The following AGO3 variants were observed in gnomAD, a reference collection of about 807,000 sequenced individuals.
The protein encoded by AGO3 is protein argonaute-3.
In AGO3, 16 loss-of-function variants were observed where a neutral mutation model predicts 105.5. That is an observed-to-expected ratio of 0.15 (90% confidence interval 0.10 to 0.23). AGO3 has a LOEUF of 0.23. Ranked by LOEUF, AGO3 falls within the 10% of genes least tolerant of loss-of-function variation. The pLI is 1.00. For missense variants in AGO3, 534 were observed against 1,088.0 expected, an observed-to-expected ratio of 0.49 and a Z score of 7.16; for synonymous variants, 340 against 367.3, an observed-to-expected ratio of 0.93 and a Z score of 0.85.
chr1:35,979,982 T>C (rs1373921701), intron 5 of AGO3, among the ~76,000 whole-genome samples: 3 of 152,222 alleles, frequency 2.0e-5, no homozygotes, highest in Non-Finnish European at 4.4e-5. Flanking sequence ...AAAATTATTT[T>C]ATGCCATTTT....
chr1:36,002,853 G>A (rs912506208), intron 5 of AGO3, among the ~76,000 whole-genome samples: 2 of 152,136 alleles, frequency 1.3e-5, no homozygotes, highest in Non-Finnish European at 2.9e-5. Flanking sequence ...CAAAGTGCTG[G>A]GATTACAGGC....
Position 36,056,333 on chromosome 1 carries a change from T to A in AGO3, c.*588T>A, listed in dbSNP as rs2148866452. On this transcript the variant is annotated 3_prime_UTR_variant, in exon 19 of 19. Transcript: ENST00000373191. ...TTGGGGAATTTTCTTTCCCTTTTAT[T>A]CTACCCCCACTACCGCCTTTATTTC... is the stretch of plus-strand genomic sequence containing the variant. The A allele has an allele frequency of 6.6e-6, 1 of 152,360 alleles. No individual in the cohort carries two copies. The highest frequency in any genetic ancestry group is 2.1e-4 in the South Asian group (1 of 4,826). The allele number at this position is 152,360 out of a possible 1,614,324, so 9.4% of individuals were successfully genotyped here.
intron 6 of AGO3, 30 bp downstream of exon 6, chr1:36,004,505 A>T (rs775486443): frequency 1.3e-6 from 2 of 1,546,492 alleles, no homozygotes; most frequent in African/African-American, 2.7e-5. Context: ...GCACAACTTA[A>T]CTATAAAATG....
intron 2 of AGO3, 144 bp downstream of exon 2, chr1:35,946,007 C>CT: frequency 1.2e-6 from 1 of 847,280 alleles, no homozygotes; most frequent in Non-Finnish European, 1.7e-6. Context: ...ACTGATTGTA[C>CT]TTCAGGGGTG....
chr1:36,055,189 GT>G lies in AGO3; in HGVS notation c.2474+45del. On this transcript the variant is annotated intron_variant, in intron 18 of 18. Transcript: ENST00000373191. This position sits in a 1 kb window ranked among gnomAD's most constrained non-coding sequence, Gnocchi z 4.4. ...AGGTTCTCACCCAAATCCCAATATTGTCTGCATGGTAGGATTTTCAAGTTCC... is the reference window on the plus strand; with the variant it reads ...AGGTTCTCACCCAAATCCCAATATTGCTGCATGGTAGGATTTTCAAGTTCC... The G allele has an allele frequency of 6.5e-7, 1 of 1,539,972 alleles. No individual in the cohort carries two copies. The highest frequency in any genetic ancestry group is 8.8e-7 in the Non-Finnish European group (1 of 1,136,914).
chr1:35,931,321 CGAGT>C lies in AGO3; in HGVS notation c.-102_-99del. 9.1e-7 allele frequency: 1 copy of C among 1,102,588 alleles called. No individual in the cohort carries two copies. Among genetic ancestry groups the C allele is most frequent in the South Asian group, 2.3e-5 (1 of 44,170 alleles). The allele number at this position is 1,102,588 out of a possible 1,614,324, so 68.3% of individuals were successfully genotyped here. On this transcript the variant is annotated 5_prime_UTR_variant, in exon 1 of 19. Coordinates refer to ENST00000373191, the MANE Select transcript of AGO3 (RefSeq NM_024852.4). ...GCCGTCGCCGCCCCCGCCTCGGGGC[CGAGT>C]GAGAGTGCCCGTCGCGTCGCGCCGC...
At chr1:36,024,604 C>T (rs968392727) in intron 11 of AGO3, among the ~76,000 whole-genome samples, 1 of 152,186 alleles carries the variant, frequency 6.6e-6, no homozygotes, top group Non-Finnish European at 1.5e-5. Context: ...AAGAACACCA[C>T]CTCTATTTGT....
intron 5 of AGO3, among the ~76,000 whole-genome samples, chr1:35,980,843 G>A (rs1380903063): frequency 6.6e-6 from 1 of 152,058 alleles, no homozygotes; most frequent in Admixed American, 6.5e-5. Context: ...TTTCTTAGTT[G>A]ACCATTTTGG....
At chr1:35,989,055 G>T (rs1464930285) in intron 5 of AGO3, among the ~76,000 whole-genome samples, 2 of 152,182 alleles carry the variant, frequency 1.3e-5, no homozygotes, top group Admixed American at 6.6e-5. Context: ...AGCTGGAGAA[G>T]ACTGGTAATT....
intron 16 of AGO3, among the ~76,000 whole-genome samples, chr1:36,041,034 C>G (rs1217468693): frequency 7.4e-6 from 1 of 135,968 alleles, no homozygotes; most frequent in Admixed American, 8.2e-5. Flanking sequence ...GATGGTGCCA[C>G]TGTACTCCAG....
intron 6 of AGO3, 120 bp downstream of exon 6, chr1:36,004,595 C>A: frequency 1.1e-6 from 1 of 870,284 alleles, no homozygotes; most frequent in Non-Finnish European, 1.6e-6. Flanking sequence ...AACTATACAT[C>A]AATTATAAAA....
chr1:35,958,058 T>G (rs1367468324), intron 2 of AGO3, among the ~76,000 whole-genome samples: 1 of 150,360 alleles, frequency 6.7e-6, no homozygotes, highest in Non-Finnish European at 1.5e-5. Context: ...CAGAGCAAGA[T>G]CTGTATCTTT....
chr1:35,977,593 A>G (rs141591897), intron 5 of AGO3, among the ~76,000 whole-genome samples: 284 of 151,994 alleles, frequency 1.9e-3, no homozygotes, highest in African/African-American at 6.6e-3. Context: ...AGATTTCACC[A>G]TGTTGCCCAG....
At chr1:35,949,096 A>G (rs1646422812) in intron 2 of AGO3, among the ~76,000 whole-genome samples, 3 of 152,226 alleles carry the variant, frequency 2.0e-5, no homozygotes, top group Admixed American at 1.3e-4. Flanking sequence ...GGCATGTGCC[A>G]TCATGCCCAG....
chr1:36,020,334 G>C (rs961510346), intron 11 of AGO3, among the ~76,000 whole-genome samples: 6 of 152,152 alleles, frequency 3.9e-5, no homozygotes, highest in African/African-American at 1.4e-4. Context: ...AATAGTTTCA[G>C]TACTGACTGA....
At position 36,061,729 on chromosome 1, in the gene AGO3, T is replaced by A. The variant is rs999787085; in HGVS notation, c.*5984T>A. The stretch of plus-strand genomic sequence containing the variant: ...TCAGGGCGTAGACTCTTGAGTTAAA[T>A]TTTTTAATCATTTTTTAAAGCAAGG... On this transcript the variant is annotated 3_prime_UTR_variant, in exon 19 of 19. Coordinates refer to ENST00000373191, the MANE Select transcript of AGO3 (RefSeq NM_024852.4). 2.0e-5 allele frequency: 3 copies of A among 152,198 alleles called. No individual in the cohort carries two copies. The highest frequency in any genetic ancestry group is 7.2e-5 in the African/African-American group (3 of 41,438). The allele number at this position is 152,198 out of a possible 1,614,324, so 9.4% of individuals were successfully genotyped here.
rs764435658 is a variant in AGO3, at chr1:35,985,989, C to G, written c.658+12478C>G. ...GAACTTGCAAGTGAAATCAGTGTTA[C>G]CATTTTCTACGCATCAGATTTGTAA... On this transcript the variant is annotated intron_variant, in intron 5 of 18. Coordinates refer to ENST00000373191, the MANE Select transcript of AGO3 (RefSeq NM_024852.4). Among the ~76,000 whole-genome samples, 38 of 152,164 alleles carry G rather than the reference C, an allele frequency of 2.5e-4. 1 individual carries two copies. The highest frequency in any genetic ancestry group is 5.9e-5 in the Non-Finnish European group (4 of 68,036).
chr1:35,987,941 A>ATG (rs1647274567), intron 5 of AGO3, among the ~76,000 whole-genome samples: 1 of 151,226 alleles, frequency 6.6e-6, no homozygotes, highest in Non-Finnish European at 1.5e-5. Context: ...GGTGGCGCAC[A>ATG]CCTGTAATCC....
rs1421030680 is a variant in AGO3, at chr1:36,055,211, G to T, written c.2474+66G>T. ...ATTGTCTGCATGGTAGGATTTTCAA[G>T]TTCCACAAGCTATTAGCGGAGTCAG... On this transcript the variant is annotated intron_variant, in intron 18 of 18. Transcript: ENST00000373191. The surrounding 1 kb of genome is among the most constrained non-coding windows in gnomAD (Gnocchi z 4.4). The T allele has an allele frequency of 6.7e-6, 10 of 1,503,216 alleles. No individual in the cohort carries two copies. The highest frequency in any genetic ancestry group is 5.5e-5 in the African/African-American group (4 of 72,136). The allele number at this position is 1,503,216 out of a possible 1,614,324, so 93.1% of individuals were successfully genotyped here.
Sources: gnomAD v4.1 joint callset for allele counts (sites outside exome capture counted in the v4.1 genomes callset) on GRCh38, gnomAD v4.1.1 for gene constraint, Gnocchi (gnomAD v3.1) non-coding constraint, MANE v1.5 for transcripts, NCBI Gene and HGNC (gene_info 2026-07-23, HGNC 2026-07-21) for gene names.